DENND4A: variants seen among roughly 807,000 people sequenced by gnomAD.
The protein encoded by DENND4A is DENN domain containing 4A, also known as C-myc promoter-binding protein.
Under a neutral mutation model 199.3 loss-of-function variants are expected in DENND4A, and 70 were observed. The ratio of observed to expected loss-of-function variants is 0.35; its 90% CI spans 0.29 to 0.43. The LOEUF (loss-of-function observed/expected upper bound fraction) is 0.43. Ranked by LOEUF, DENND4A falls within the 20% of genes least tolerant of loss-of-function variation. The pLI is 1.00. For synonymous variants in DENND4A, 686 were observed against 766.9 expected, an observed-to-expected ratio of 0.89 and a Z score of 1.74; for missense variants, 1,723 against 2,255.8, an observed-to-expected ratio of 0.76 and a Z score of 4.78.
intron 4 of DENND4A, among the ~76,000 whole-genome samples, chr15:65,743,182 C>T (rs2076303390): frequency 6.6e-6 from 1 of 152,118 alleles, no homozygotes; most frequent in African/African-American, 2.4e-5. Flanking sequence ...AATGTCAGAG[C>T]ATGTCACTAT....
intron 1 of DENND4A, among the ~76,000 whole-genome samples, chr15:65,786,766 G>T (rs1384976644): frequency 6.6e-6 from 1 of 152,086 alleles, no homozygotes; most frequent in African/African-American, 2.4e-5. Flanking sequence ...AGTATGATTT[G>T]AAATGTACTA....
intron 23 of DENND4A, among the ~76,000 whole-genome samples, chr15:65,679,359 C>T (rs2141964926): frequency 6.6e-6 from 1 of 152,180 alleles, no homozygotes; most frequent in South Asian, 2.1e-4. Context: ...CCTCGGCCTC[C>T]CAAAGTGCTG....
rs200882763 is a variant in DENND4A at position 65,791,077 on chromosome 15, AG to A, written c.-102+932del. 6.2e-3 allele frequency among the ~76,000 whole-genome samples: 940 copies of A among 152,366 alleles called. 14 individuals are homozygous for A. The highest frequency in any genetic ancestry group is 0.022 in the African/African-American group (903 of 41,574). ...TTCATTAACGTATAATACATTTTAA[AG>A]AATAACATATTCACAGAGTAATACA... On this transcript the variant is annotated intron_variant, in intron 1 of 32. Coordinates refer to ENST00000443035, the MANE Select transcript of DENND4A (RefSeq NM_001320835.1).
intron 1 of DENND4A, among the ~76,000 whole-genome samples, chr15:65,770,973 C>G (rs184427537): frequency 6.6e-6 from 1 of 152,082 alleles, no homozygotes; most frequent in South Asian, 2.1e-4. Flanking sequence ...ATTGTAGAAG[C>G]GTAACTAAAA....
intron 1 of DENND4A, among the ~76,000 whole-genome samples, chr15:65,775,637 CAAAAAAAAAA>C (rs59714693): frequency 2.9e-4 from 8 of 27,682 alleles, no homozygotes; most frequent in East Asian, 7.0e-4. Context: ...CAAGACTCCT[CAAAAAAAAAA>C]AAAAAAAAAA....
At chr15:65,780,902 T>C (rs1371392753) in intron 1 of DENND4A, among the ~76,000 whole-genome samples, 1 of 152,202 alleles carries the variant, frequency 6.6e-6, no homozygotes, top group Non-Finnish European at 1.5e-5. Context: ...TCCAATACTA[T>C]AGTTCATTCC....
At position 65,701,754 on chromosome 15, in the gene DENND4A, G is replaced by T. The variant is rs1443380268; in HGVS notation, c.2559+8C>A. 6.2e-7 allele frequency: 1 copy of T among 1,612,568 alleles called. No individual in the cohort carries two copies. On this transcript the variant is annotated splice_region_variant and intron_variant, in intron 18 of 32. Coordinates refer to ENST00000443035, the MANE Select transcript of DENND4A (RefSeq NM_001320835.1). The stretch of plus-strand genomic sequence containing the variant: ...AATACTCTTTATCCATTAAACCAAG[G>T]TATTTACCTTATTATAATAACCATA...
rs1225557546 is a variant in DENND4A, at chr15:65,701,077, G to A, written c.2675C>T (p.Ala892Val). The A allele has an allele frequency of 1.9e-6, 3 of 1,608,290 alleles. No homozygotes were observed. Among genetic ancestry groups the A allele is most frequent in the Admixed American group, 1.7e-5 (1 of 58,722 alleles). Residue 892 changes from alanine (A) to valine (V), a missense_variant, in exon 19 of 33, where the codon GCA becomes GTA. Ala to Val is a moderately conservative substitution (Grantham distance 64). Around this residue, in one of 6 missense-constraint regions of DENND4A, gnomAD observed 650 missense variants for 738.1 expected, o/e 0.88. Transcript: ENST00000443035. The stretch of plus-strand genomic sequence containing the variant: ...TGAGAGAGTTGTTTGTGATAAGTGT[G>A]CATGCTTCTTTAAAGCTCTTTTGAA... The part of the protein sequence containing the change: ...TQFKRALKKH[A>V]HLSQTTLSAD...
rs192866794 is a variant in DENND4A at position 65,660,404 on chromosome 15, C to T, written c.*1447G>A. 1.1e-3 allele frequency: 1,150 copies of T among 1,058,914 alleles called. 3 individuals carry two copies. Among genetic ancestry groups the T allele is most frequent in the Non-Finnish European group, 8.0e-4 (573 of 718,382 alleles). 65.6% of individuals were successfully genotyped at this position (1,058,914 alleles called of 1,614,324 possible). ...TCCAAGATACCTCCAGTCCAAGTGT[C>T]GTGGACTCTACTGGCTTTATACACC... On this transcript the variant is annotated 3_prime_UTR_variant, in exon 33 of 33. Transcript: ENST00000443035.
rs1287578528 is a variant in DENND4A at position 65,772,814 on chromosome 15, T to C, written c.-101-11376A>G. On this transcript the variant is annotated intron_variant, in intron 1 of 32. Transcript: ENST00000443035. ...TATATGCACTCATGCAGAATTTGAA[T>C]CTAGAGCTAAAGTAGCAAAAACAGT... Among the ~76,000 whole-genome samples, 5 of 146,920 alleles carry C rather than the reference T, an allele frequency of 3.4e-5. No individual in the cohort carries two copies. The East Asian group carries it at 6.3e-4, about 18-fold the overall frequency.
At chr15:65,689,292 C>T (rs2142056664) in intron 23 of DENND4A, among the ~76,000 whole-genome samples, 1 of 152,286 alleles carries the variant, frequency 6.6e-6, no homozygotes, top group Admixed American at 6.5e-5. Context: ...TTAATTCAAA[C>T]ATCTGGATCA....
At chr15:65,718,746 G>A (rs1357312608) in intron 12 of DENND4A, among the ~76,000 whole-genome samples, 2 of 100,166 alleles carry the variant, frequency 2.0e-5, no homozygotes, top group East Asian at 2.6e-4. Context: ...CAAAAGTTTT[G>A]CATGTTTTTT....
intron 25 of DENND4A, among the ~76,000 whole-genome samples, 182 bp downstream of exon 25, chr15:65,671,610 G>A (rs547992974): frequency 9.9e-5 from 15 of 152,204 alleles, no homozygotes. Flanking sequence ...GGCTGGCCTC[G>A]AACCCCTGAC....
At position 65,687,398 on chromosome 15, in the gene DENND4A, C is replaced by CT. The variant is rs902152426; in HGVS notation, c.4179+3016dup. On this transcript the variant is annotated intron_variant, in intron 23 of 32. Coordinates refer to ENST00000443035, the MANE Select transcript of DENND4A (RefSeq NM_001320835.1). ...TTGGACAATTATAGGTTTTTCTTTT[C>CT]TTTTTTTTTCAGTTTAGGAGGCAAA... 2.6e-3 allele frequency among the ~76,000 whole-genome samples: 391 copies of CT among 150,340 alleles called. 2 individuals carry two copies. Among genetic ancestry groups the CT allele is most frequent in the South Asian group, 0.013 (61 of 4,740 alleles).
intron 4 of DENND4A, among the ~76,000 whole-genome samples, chr15:65,745,576 C>T (rs2076365978): frequency 6.6e-6 from 1 of 151,932 alleles, no homozygotes; most frequent in Admixed American, 6.6e-5. Context: ...TATAGGCAAA[C>T]AAATTTTGGT....
chr15:65,740,803 AT>A (rs2076240790), intron 5 of DENND4A, among the ~76,000 whole-genome samples: 1 of 151,868 alleles, frequency 6.6e-6, no homozygotes, highest in African/African-American at 2.4e-5. Context: ...CTCTACAAAA[AT>A]TTAAAAAATT....
chr15:65,684,554 GTTGT>G (rs1248254998), intron 23 of DENND4A, among the ~76,000 whole-genome samples: 9 of 152,124 alleles, frequency 5.9e-5, no homozygotes, highest in African/African-American at 2.2e-4. Flanking sequence ...TTTAACTTGG[GTTGT>G]TTATCTTATC....
Position 65,676,141 on chromosome 15 carries a change from A to AATATATATATATAT in DENND4A, c.4369+290_4369+303dup, listed in dbSNP as rs57613461. 4.9e-4 allele frequency among the ~76,000 whole-genome samples: 54 copies of AATATATATATATAT among 110,454 alleles called. 1 individual carries two copies. Among genetic ancestry groups the AATATATATATATAT allele is most frequent in the South Asian group, 1.8e-3 (5 of 2,848 alleles). The allele number at this position is 110,454 out of a possible 152,430, so 72.5% of individuals were successfully genotyped here. A position where few individuals can be genotyped will look rare whatever the true frequency, so the allele number is the denominator to read the frequency against. On this transcript the variant is annotated intron_variant, in intron 24 of 32. Coordinates refer to ENST00000443035, the MANE Select transcript of DENND4A (RefSeq NM_001320835.1). Reference sequence around the variant, plus strand: ...AGAAGACAGGGAAGTAATAAGGAAAAATATATATATATATATATATATATA... The same window carrying AATATATATATATAT: ...AGAAGACAGGGAAGTAATAAGGAAAAATATATATATATATATATATATATATATATATATATATA...
chr15:65,665,228 G>T, intron 30 of DENND4A, 117 bp downstream of exon 30: 2 of 736,904 alleles, frequency 2.7e-6, no homozygotes, highest in South Asian at 2.4e-5. Flanking sequence ...ACTTTGACCT[G>T]TAAGACAAAA....
Sources: allele counts gnomAD v4.1 joint callset (sites outside exome capture counted in the v4.1 genomes callset), GRCh38; gene constraint gnomAD v4.1.1; regional missense constraint gnomAD v4.1.1; transcripts MANE v1.5; gene names NCBI Gene and HGNC (gene_info 2026-07-23, HGNC 2026-07-21).